PLEKHG1: variants seen among roughly 807,000 people sequenced by gnomAD.
PLEKHG1 encodes the protein pleckstrin homology domain-containing family G member 1.
A neutral mutation model predicts 100.8 loss-of-function variants in PLEKHG1; 44 were observed. The ratio of observed to expected loss-of-function variants is 0.44; its 90% confidence interval spans 0.34 to 0.56. The LOEUF (loss-of-function observed/expected upper bound fraction) is 0.56. Ranked by LOEUF, PLEKHG1 falls within the 20% of genes least tolerant of loss-of-function variation. The pLI, the probability that PLEKHG1 is intolerant of heterozygous loss-of-function variation, is 0.01. For missense variants in PLEKHG1, 1,545 were observed against 1,720.9 expected (o/e 0.90, Z 1.81); for synonymous variants, 640 against 662.5 (o/e 0.97, Z 0.52).
chr6:150,634,214 A>C (rs1777887974), intron 1 of PLEKHG1, among the ~76,000 whole-genome samples: 1 of 149,374 alleles, frequency 6.7e-6, no homozygotes, highest in South Asian at 2.1e-4. Context: ...ATTGCACTCC[A>C]GCCTGGCCAA....
rs557696791 is a variant in PLEKHG1 at position 150,814,560 on chromosome 6, T to C, written c.1279-3623T>C. ...TATGAGGTAGTTCTTATTCTTCCCA[T>C]TCTAGAAAAAATAAAAACAGAGGCT... On this transcript the variant is annotated intron_variant, in intron 10 of 15. Transcript: ENST00000358517. Among the ~76,000 whole-genome samples the C allele has an allele frequency of 5.9e-5, 9 of 152,326 alleles. No homozygotes were observed. In the South Asian group the frequency reaches 1.9e-3, roughly 32 times the overall value.
intron 3 of PLEKHG1, among the ~76,000 whole-genome samples, chr6:150,692,326 A>C (rs1381868396): frequency 2.0e-5 from 3 of 152,152 alleles, no homozygotes; most frequent in Non-Finnish European, 4.4e-5. Context: ...AGACTCTTGT[A>C]CTCTTAGTTT....
At chr6:150,705,943 A>G (rs1203095108) in intron 3 of PLEKHG1, among the ~76,000 whole-genome samples, 1 of 152,192 alleles carries the variant, frequency 6.6e-6, no homozygotes, top group Admixed American at 6.5e-5. Flanking sequence ...GCCGTCTTAA[A>G]TGATCAATGT....
intron 1 of PLEKHG1, among the ~76,000 whole-genome samples, chr6:150,721,401 T>TG (rs1781667510): frequency 6.6e-6 from 1 of 151,444 alleles, no homozygotes; most frequent in Admixed American, 6.6e-5. Context: ...GGAAGATGAT[T>TG]TTTTTCTCCC....
At chr6:150,829,772 C>T (rs897816085) in intron 14 of PLEKHG1, among the ~76,000 whole-genome samples, 2 of 152,070 alleles carry the variant, frequency 1.3e-5, no homozygotes, top group African/African-American at 2.4e-5. Context: ...ACAATAAAAA[C>T]TCTTTGCCTA....
At chr6:150,779,344 G>GTTTGTTTGTTTTTTT (rs1257363893) in intron 3 of PLEKHG1, among the ~76,000 whole-genome samples, 1 of 104,534 alleles carries the variant, frequency 9.6e-6, no homozygotes, top group African/African-American at 4.3e-5. Flanking sequence ...TTGTCAAGAA[G>GTTTGTTTGTTTTTTT]TTTTTTTTTT....
chr6:150,693,359 C>T (rs377606667), intron 3 of PLEKHG1, among the ~76,000 whole-genome samples: 102 of 152,310 alleles, frequency 6.7e-4, no homozygotes, highest in African/African-American at 2.3e-3. Context: ...TCCTGGAAGT[C>T]GCTTCTCAAC....
At chr6:150,706,211 C>T (rs1780997019) in intron 3 of PLEKHG1, among the ~76,000 whole-genome samples, 1 of 152,146 alleles carries the variant, frequency 6.6e-6, no homozygotes, top group East Asian at 1.9e-4. Flanking sequence ...TCAGTACTTC[C>T]ATAAGGGTGG....
chr6:150,784,518 T>C (rs896765077), intron 3 of PLEKHG1, among the ~76,000 whole-genome samples: 1 of 152,230 alleles, frequency 6.6e-6, no homozygotes, highest in South Asian at 2.1e-4. Flanking sequence ...TATTGCTCGA[T>C]TTTGTAATCT....
In PLEKHG1 at chr6:150,809,748, T is replaced by A. The variant is rs369835015; in HGVS notation, c.1278+14T>A. ...ATTCCAGCTAAGGTAGGACACTGAA[T>A]AATGCACAGTGAAATGGGAGAGAGA... On this transcript the variant is annotated intron_variant, in intron 10 of 15. Transcript: ENST00000358517. 3.8e-6 allele frequency: 6 copies of A among 1,580,308 alleles called. No individual in the cohort carries two copies. Among genetic ancestry groups the A allele is most frequent in the Non-Finnish European group, 4.3e-6 (5 of 1,150,360 alleles).
At chr6:150,717,623 T>G (rs1448538553), upstream of PLEKHG1, among the ~76,000 whole-genome samples, 1 of 152,196 alleles carries the variant, frequency 6.6e-6, no homozygotes, top group East Asian at 1.9e-4. Flanking sequence ...GCGCCTTGAT[T>G]CCCCACTCCA....
At position 150,600,299 on chromosome 6, in the gene PLEKHG1, C is replaced by T. The variant is rs1392995735; in HGVS notation, c.-204+282C>T. Among the ~76,000 whole-genome samples the T allele has an allele frequency of 2.0e-5, 3 of 151,610 alleles. No individual in the cohort carries two copies. Among genetic ancestry groups the T allele is most frequent in the Admixed American group, 6.6e-5 (1 of 15,250 alleles). Reference sequence around the variant, plus strand: ...TCGGAGTCGGGTCGGGGATGCTGCCCGCCGCCGCCCCGCTTGGGGTTCCGC... The same window carrying T: ...TCGGAGTCGGGTCGGGGATGCTGCCTGCCGCCGCCCCGCTTGGGGTTCCGC... On this transcript the variant is annotated intron_variant, in intron 1 of 3. Transcript: ENST00000367326. This position sits in a 1 kb window ranked among gnomAD's most constrained non-coding sequence, Gnocchi z 6.2.
In PLEKHG1 at chr6:150,683,922, G is replaced by A; in HGVS notation, c.-99+33136G>A. ...TCCTATGGTTTGGCACCTGCAGCCA[G>A]GGTGGTGGCAAGGGCAGTGGCAAGT... On this transcript the variant is annotated intron_variant, in intron 3 of 3. Transcript: ENST00000367326. This position sits in a 1 kb window ranked among gnomAD's most constrained non-coding sequence, Gnocchi z 4.0. The A allele has an allele frequency of 1.2e-6, 1 of 833,670 alleles. No individual in the cohort carries two copies. Among genetic ancestry groups the A allele is most frequent in the South Asian group, 1.6e-5 (1 of 62,326 alleles). The allele number at this position is 833,670 out of a possible 1,614,324, so 51.6% of individuals were successfully genotyped here.
At chr6:150,800,740 G>A (rs747142268) in exon 6 of PLEKHG1, 1 of 1,614,042 alleles carries the variant, frequency 6.2e-7, no homozygotes, top group East Asian at 2.2e-5. Flanking sequence ...TGCTAACAGA[G>A]TGTATGAGGA....
At chr6:150,611,185 A>G (rs1776812169) in intron 1 of PLEKHG1, among the ~76,000 whole-genome samples, 2 of 152,184 alleles carry the variant, frequency 1.3e-5, no homozygotes, top group Admixed American at 6.5e-5. Flanking sequence ...TCTACTGTAT[A>G]GTGGAATTTG....
exon 16 of PLEKHG1, chr6:150,840,850 C>A (rs1453528021): frequency 6.2e-7 from 1 of 1,613,154 alleles, no homozygotes; most frequent in South Asian, 1.1e-5. Flanking sequence ...ATTGTCCAGT[C>A]TCTAAGGGAA....
chr6:150,835,316 C>T (rs892331826), intron 15 of PLEKHG1, among the ~76,000 whole-genome samples: 3 of 152,152 alleles, frequency 2.0e-5, no homozygotes, highest in Non-Finnish European at 4.4e-5. Context: ...TGGGAGAAAA[C>T]TCCATACAGG....
chr6:150,821,108 C>A, intron 12 of PLEKHG1, 87 bp from the exon 14 acceptor site: 2 of 1,016,012 alleles, frequency 2.0e-6, no homozygotes, highest in South Asian at 1.3e-5. Context: ...GTTAATCTGT[C>A]AATAGGCTCA....
At chr6:150,752,866 C>A (rs1783599746) in intron 2 of PLEKHG1, among the ~76,000 whole-genome samples, 1 of 152,110 alleles carries the variant, frequency 6.6e-6, no homozygotes, top group African/African-American at 2.4e-5. Flanking sequence ...AATCCCAGCA[C>A]TTTGGGAGGC....
Sources: allele counts gnomAD v4.1 joint callset (sites outside exome capture counted in the v4.1 genomes callset), GRCh38; gene constraint gnomAD v4.1.1; non-coding constraint Gnocchi (gnomAD v3.1); transcripts MANE v1.5; gene names NCBI Gene and HGNC (gene_info 2026-07-23, HGNC 2026-07-21).